PBX3: variants seen among roughly 807,000 people sequenced by gnomAD.
PBX3 encodes PBX homeobox 3, also known as pre-B-cell leukemia transcription factor 3.
In PBX3, 14 loss-of-function variants were observed where a neutral mutation model predicts 48.5. The ratio of observed to expected loss-of-function variants is 0.29; its 90% CI spans 0.19 to 0.45. The LOEUF (loss-of-function observed/expected upper bound fraction) is 0.45. Among genes scored for constraint, PBX3 ranks in the 20% least tolerant of loss-of-function variants. The pLI, the probability that PBX3 is intolerant of heterozygous loss-of-function variation, is 1.00. For synonymous variants in PBX3, 210 were observed against 200.3 expected (o/e 1.05, Z -0.41); for missense variants, 386 against 546.7 (o/e 0.71, Z 2.93).
At chr9:125,818,535 A>G (rs1413179615) in intron 2 of PBX3, among the ~76,000 whole-genome samples, 1 of 152,034 alleles carries the variant, frequency 6.6e-6, no homozygotes, top group Admixed American at 6.6e-5. Context: ...TTTTTAGTAG[A>G]GACAGAGTTT....
In PBX3 at chr9:125,835,051, A is replaced by AAG. The variant is rs1564681272; in HGVS notation, c.275-80635_275-80634insAG. Among the ~76,000 whole-genome samples the AAG allele has an allele frequency of 1.4e-3, 150 of 108,046 alleles. 5 individuals are homozygous for AAG. Among genetic ancestry groups the AAG allele is most frequent in the African/African-American group, 5.4e-3 (142 of 26,352 alleles). 70.9% of individuals were successfully genotyped at this position (108,046 alleles called of 152,430 possible). On this transcript the variant is annotated intron_variant, in intron 2 of 8. Transcript: ENST00000373489. ...AAAAAAAAAAAAAAAAAAAAAAAAA[A>AAG]GGGCAAAAGATATGAAAAGACAAGT...
rs557678238 is a variant in PBX3, at chr9:125,963,905, G to A, written c.1212+804G>A. Among the ~76,000 whole-genome samples the A allele has an allele frequency of 4.6e-5, 6 of 131,714 alleles. No individual in the cohort carries two copies. In the East Asian group the frequency reaches 1.5e-3, roughly 32 times the overall value. The allele number at this position is 131,714 out of a possible 152,430, so 86.4% of individuals were successfully genotyped here. A position where few individuals can be genotyped will look rare whatever the true frequency, so the allele number is the denominator to read the frequency against. ...GATGTTCAATTGTAAAGGGAAAAAAGGACCATTAAATACTCAAATCTTTTA... is the reference window on the plus strand; with the variant it reads ...GATGTTCAATTGTAAAGGGAAAAAAAGACCATTAAATACTCAAATCTTTTA... On this transcript the variant is annotated intron_variant, in intron 8 of 8. Coordinates refer to ENST00000373489, the MANE Select transcript of PBX3 (RefSeq NM_006195.6).
chr9:125,951,116 A>G (rs1034014567), intron 5 of PBX3, among the ~76,000 whole-genome samples: 5 of 152,180 alleles, frequency 3.3e-5, no homozygotes, highest in Non-Finnish European at 7.3e-5. Context: ...TAATACATGC[A>G]AAGTTCCTAG....
chr9:125,813,875 C>T (rs779460930), intron 2 of PBX3, among the ~76,000 whole-genome samples: 11 of 150,496 alleles, frequency 7.3e-5, no homozygotes, highest in Non-Finnish European at 1.5e-4. Flanking sequence ...TACATAAACA[C>T]GTATGTCGGC....
intron 5 of PBX3, among the ~76,000 whole-genome samples, chr9:125,939,492 G>A (rs547753328): frequency 1.3e-5 from 2 of 152,134 alleles, no homozygotes; most frequent in African/African-American, 4.8e-5. Flanking sequence ...AATATTGGTG[G>A]TAGGGATGTA....
At chr9:125,961,602 G>T (rs981654128) in intron 6 of PBX3, among the ~76,000 whole-genome samples, 1 of 152,102 alleles carries the variant, frequency 6.6e-6, no homozygotes, top group African/African-American at 2.4e-5. Flanking sequence ...GTTTTTGTTT[G>T]TTTTGTCTTG....
intron 3 of PBX3, among the ~76,000 whole-genome samples, chr9:125,919,819 T>C (rs1177731637): frequency 6.6e-6 from 1 of 152,328 alleles, no homozygotes; most frequent in East Asian, 1.9e-4. Context: ...CACAGCCACA[T>C]TTACAAAGCT....
intron 2 of PBX3, chr9:125,843,805 G>A: frequency 2.2e-6 from 1 of 455,938 alleles, no homozygotes; most frequent in Non-Finnish European, 4.4e-6. Context: ...ACGTCTGGGA[G>A]ATGAGAGGTA....
intron 2 of PBX3, among the ~76,000 whole-genome samples, chr9:125,794,350 C>T (rs1005522549): frequency 6.6e-6 from 1 of 152,112 alleles, no homozygotes; most frequent in African/African-American, 2.4e-5. Context: ...CCCAGGTAAT[C>T]ATATACACAT....
At chr9:125,820,236 C>T (rs957770927) in intron 2 of PBX3, among the ~76,000 whole-genome samples, 1 of 152,176 alleles carries the variant, frequency 6.6e-6, no homozygotes, top group African/African-American at 2.4e-5. Context: ...TTTAAGGTCT[C>T]TGGTTATTCC....
chr9:125,765,389 A>G (rs1433350829), intron 2 of PBX3, among the ~76,000 whole-genome samples: 1 of 152,112 alleles, frequency 6.6e-6, no homozygotes, highest in Non-Finnish European at 1.5e-5. Flanking sequence ...AGCTCAAGTG[A>G]TCTGCCCACC....
intron 2 of PBX3, among the ~76,000 whole-genome samples, chr9:125,908,421 G>A (rs1841126200): frequency 2.6e-5 from 4 of 152,114 alleles, no homozygotes. Flanking sequence ...GGAGCAGAAT[G>A]TGGGAATGGG....
At chr9:125,965,346 A>G (rs750275799) in intron 8 of PBX3, among the ~76,000 whole-genome samples, 5 of 152,172 alleles carry the variant, frequency 3.3e-5, no homozygotes, top group African/African-American at 7.2e-5. Flanking sequence ...TTGGAGGGAA[A>G]TTCTGGCCTT....
At chr9:125,827,124 G>A (rs1393522996) in intron 2 of PBX3, among the ~76,000 whole-genome samples, 3 of 152,038 alleles carry the variant, frequency 2.0e-5, no homozygotes, top group African/African-American at 4.8e-5. Context: ...AAATGAGAAC[G>A]TGAAATTGGG....
In PBX3 at chr9:125,835,037, A is replaced by C. The variant is rs201531282; in HGVS notation, c.275-80649A>C. On this transcript the variant is annotated intron_variant, in intron 2 of 8. Coordinates refer to ENST00000373489, the MANE Select transcript of PBX3 (RefSeq NM_006195.6). ...TCTCAAAAAAAAAAAAAAAAAAAAA[A>C]AAAAAAAAAAAAAAGGGCAAAAGAT... 0.012 allele frequency among the ~76,000 whole-genome samples: 1,800 copies of C among 145,668 alleles called. 166 individuals carry two copies. The East Asian group carries it at 0.13, about 11-fold the overall frequency.
At chr9:125,794,401 T>G (rs1440905195) in intron 2 of PBX3, among the ~76,000 whole-genome samples, 1 of 152,200 alleles carries the variant, frequency 6.6e-6, no homozygotes, top group Non-Finnish European at 1.5e-5. Context: ...ATTGCCTCTT[T>G]GGGCAACAAT....
At chr9:125,882,935 C>A (rs1840414725) in intron 2 of PBX3, among the ~76,000 whole-genome samples, 1 of 152,172 alleles carries the variant, frequency 6.6e-6, no homozygotes, top group Non-Finnish European at 1.5e-5. Flanking sequence ...GTATTTGCAA[C>A]ATTAGAAATC....
At chr9:125,799,271 TG>T (rs1442066679) in intron 2 of PBX3, among the ~76,000 whole-genome samples, 1 of 152,186 alleles carries the variant, frequency 6.6e-6, no homozygotes, top group Non-Finnish European at 1.5e-5. Context: ...CCTAGCACTT[TG>T]GGGGCCAAGG....
intron 3 of PBX3, among the ~76,000 whole-genome samples, chr9:125,927,605 T>G (rs1478954622): frequency 6.6e-6 from 1 of 152,206 alleles, no homozygotes; most frequent in East Asian, 1.9e-4. Flanking sequence ...TGCAGTAAGA[T>G]GCAGAATTTC....
Sources: gnomAD v4.1 joint callset for allele counts (sites outside exome capture counted in the v4.1 genomes callset) on GRCh38, gnomAD v4.1.1 for gene constraint, MANE v1.5 for transcripts, NCBI Gene and HGNC (gene_info 2026-07-23, HGNC 2026-07-21) for gene names.